Variants in DNTT observed in about 807,000 individuals in gnomAD.
DNTT encodes nucleosidetriphosphate:DNA deoxynucleotidylexotransferase.
In DNTT, 47 loss-of-function variants were observed where a neutral mutation model predicts 60.9. The ratio of observed to expected loss-of-function variants is 0.77; its 90% CI spans 0.61 to 0.98. DNTT has a LOEUF of 0.98. Ranked by LOEUF, DNTT falls within the 50% of genes least tolerant of loss-of-function variation. DNTT has a pLI of 0.00. For missense variants in DNTT, 665 were observed against 627.5 expected (o/e 1.06, Z -0.64); for synonymous variants, 224 against 221.2 (o/e 1.01, Z -0.11).
At chr10:96,314,954 G>A (rs1384428790) in intron 1 of DNTT, among the ~76,000 whole-genome samples, 1 of 152,136 alleles carries the variant, frequency 6.6e-6, no homozygotes, top group Admixed American at 6.5e-5. Flanking sequence ...AGAGGCCATG[G>A]GTCTCCTTAG....
At chr10:96,317,137 T>C (rs562500061) in intron 1 of DNTT, among the ~76,000 whole-genome samples, 4 of 152,260 alleles carry the variant, frequency 2.6e-5, no homozygotes, top group South Asian at 4.1e-4. Flanking sequence ...AATCACTGGG[T>C]CCAATAATAT....
chr10:96,336,827 A>C (rs1309922071), intron 10 of DNTT, among the ~76,000 whole-genome samples: 1 of 151,260 alleles, frequency 6.6e-6, no homozygotes, highest in East Asian at 2.0e-4. Flanking sequence ...ACACCCAGCT[A>C]CTTGGGAGGC....
chr10:96,338,299 A>G lies in DNTT; in HGVS notation c.*75A>G, dbSNP rs1298640780. ...ATGCTTCATATTAGTAAAAGATGCC[A>G]TAGGAGAGTTTGGGGTTATTTAGGT... On this transcript the variant is annotated 3_prime_UTR_variant, in exon 11 of 11. Coordinates refer to ENST00000371174, the MANE Select transcript of DNTT (RefSeq NM_004088.4). The G allele has an allele frequency of 1.4e-6, 2 of 1,395,326 alleles. No homozygotes were observed. The highest frequency in any genetic ancestry group is 9.9e-7 in the Non-Finnish European group (1 of 1,010,402). The allele number at this position is 1,395,326 out of a possible 1,614,324, so 86.4% of individuals were successfully genotyped here.
chr10:96,331,275 T>C (rs962568203), intron 8 of DNTT, among the ~76,000 whole-genome samples: 7 of 152,336 alleles, frequency 4.6e-5, no homozygotes, highest in Non-Finnish European at 7.3e-5. Flanking sequence ...TTAAACCTGG[T>C]CATCAGTATA....
At chr10:96,308,874 G>A (rs1002240372) in intron 1 of DNTT, among the ~76,000 whole-genome samples, 21 of 152,188 alleles carry the variant, frequency 1.4e-4, no homozygotes, top group African/African-American at 4.6e-4. Flanking sequence ...TTAGGGTGAG[G>A]CAGAAACAAA....
At chr10:96,322,070 C>A (rs1214788520) in intron 4 of DNTT, among the ~76,000 whole-genome samples, 1 of 152,164 alleles carries the variant, frequency 6.6e-6, no homozygotes, top group African/African-American at 2.4e-5. Flanking sequence ...GGTTCTACAC[C>A]TCTCCAGGGA....
intron 5 of DNTT, among the ~76,000 whole-genome samples, chr10:96,323,590 G>A (rs535281635): frequency 2.8e-4 from 42 of 152,256 alleles, no homozygotes; most frequent in Non-Finnish European, 5.7e-4. Context: ...GGTTGGTGGG[G>A]ACAGGACGGA....
rs1422447630 is a variant in DNTT at position 96,327,589 on chromosome 10, A to G, written c.996A>G (p.Gly332=). 6.2e-7 allele frequency: 1 copy of G among 1,612,956 alleles called. No individual in the cohort carries two copies. The highest frequency in any genetic ancestry group is 1.3e-5 in the African/African-American group (1 of 74,904). The change falls in exon 7 of 11, where the codon GGA becomes GGG. Residue 332 remains glycine, a synonymous_variant. Coordinates refer to ENST00000371174, the MANE Select transcript of DNTT (RefSeq NM_004088.4). ...FLPDAFVTMT[G]GFRRGKKMGH... Reference sequence around the variant, plus strand: ...CGGATGCTTTCGTCACCATGACAGGAGGGTTCCGGAGGTAAATAACTTGGG... The same window carrying G: ...CGGATGCTTTCGTCACCATGACAGGGGGGTTCCGGAGGTAAATAACTTGGG...
intron 1 of DNTT, among the ~76,000 whole-genome samples, chr10:96,314,659 C>A (rs1039996411): frequency 3.3e-5 from 5 of 151,456 alleles, no homozygotes; most frequent in Non-Finnish European, 2.9e-5. Context: ...TGATCTGCCC[C>A]CCTCAGCCTC....
chr10:96,322,330 A>G (rs1289122308), intron 4 of DNTT, among the ~76,000 whole-genome samples: 2 of 152,220 alleles, frequency 1.3e-5, no homozygotes, highest in Non-Finnish European at 2.9e-5. Flanking sequence ...CAGTAAGGTC[A>G]TATTCATTGA....
chr10:96,305,653 G>A (rs1844625100), intron 1 of DNTT, among the ~76,000 whole-genome samples: 4 of 152,300 alleles, frequency 2.6e-5, no homozygotes, highest in Admixed American at 1.3e-4. Flanking sequence ...TTATGTGAAA[G>A]GACATTTTGA....
At chr10:96,328,254 C>T (rs1844962155) in intron 7 of DNTT, among the ~76,000 whole-genome samples, 1 of 152,198 alleles carries the variant, frequency 6.6e-6, no homozygotes, top group Admixed American at 6.5e-5. Flanking sequence ...TTTCTCCAGC[C>T]CTCTCACCTG....
At chr10:96,322,891 C>T (rs976777005) in intron 5 of DNTT, among the ~76,000 whole-genome samples, 163 bp downstream of exon 5, 8 of 152,226 alleles carry the variant, frequency 5.3e-5, no homozygotes, top group Non-Finnish European at 8.8e-5. Flanking sequence ...ATCAAGATGT[C>T]AGCAGGGTCA....
At position 96,311,680 on chromosome 10, in the gene DNTT, A is replaced by G. The variant is rs577579296; in HGVS notation, c.204-6672A>G. The stretch of plus-strand genomic sequence containing the variant: ...TTGGGGGGAGACAGGGCCTTGCTCT[A>G]TCACCCAGGCTGGAGTGCAGTGGCA... On this transcript the variant is annotated intron_variant, in intron 1 of 10. Transcript: ENST00000371174. 1.4e-4 allele frequency among the ~76,000 whole-genome samples: 21 copies of G among 152,284 alleles called. No homozygotes were observed. In the South Asian group the frequency reaches 4.1e-3, roughly 30 times the overall value.
chr10:96,328,857 C>G, intron 8 of DNTT, 27 bp downstream of exon 8: 1 of 1,595,794 alleles, frequency 6.3e-7, no homozygotes, highest in Non-Finnish European at 8.6e-7. Flanking sequence ...AAAATACATG[C>G]ACACGCAAAC....
At chr10:96,328,549 A>T (rs1844966447) in intron 7 of DNTT, among the ~76,000 whole-genome samples, 176 bp from the exon 8 acceptor site, 1 of 152,110 alleles carries the variant, frequency 6.6e-6, no homozygotes, top group South Asian at 2.1e-4. Context: ...CTGTGTCATA[A>T]ATTTATTTTG....
Position 96,333,741 on chromosome 10 carries a change from G to A in DNTT, c.1359+1145G>A, listed in dbSNP as rs930505352. On this transcript the variant is annotated intron_variant, in intron 9 of 10. Coordinates refer to ENST00000371174, the MANE Select transcript of DNTT (RefSeq NM_004088.4). ...AGAGAGACAAATACTGTATGATCTC[G>A]TTTCTGTATATGTAGAATCTAAAAC... 7.2e-5 allele frequency among the ~76,000 whole-genome samples: 11 copies of A among 152,170 alleles called. 1 individual carries two copies. The South Asian group carries it at 1.2e-3, about 17-fold the overall frequency.
intron 1 of DNTT, among the ~76,000 whole-genome samples, chr10:96,307,929 C>T (rs752971959): frequency 2.0e-5 from 3 of 151,530 alleles, no homozygotes; most frequent in Non-Finnish European, 4.4e-5. Context: ...GGGCCATGCC[C>T]GGCTAATTTT....
intron 10 of DNTT, among the ~76,000 whole-genome samples, chr10:96,337,258 T>C (rs951178643): frequency 1.3e-5 from 2 of 152,286 alleles, no homozygotes; most frequent in South Asian, 2.1e-4. Context: ...CTGATGCTCA[T>C]TGGCCAGGCC....
Sources: gnomAD v4.1 joint callset for allele counts (sites outside exome capture counted in the v4.1 genomes callset) on GRCh38, gnomAD v4.1.1 for gene constraint, MANE v1.5 for transcripts, NCBI Gene and HGNC (gene_info 2026-07-23, HGNC 2026-07-21) for gene names.